The following PDK1 variants were observed in gnomAD, a reference collection of about 807,000 sequenced individuals.
PDK1 encodes the protein [Pyruvate dehydrogenase (acetyl-transferring)] kinase isozyme 1, mitochondrial.
In PDK1, 39 loss-of-function variants were observed where a neutral mutation model predicts 54.2. The ratio of observed to expected loss-of-function variants is 0.72; its 90% confidence interval spans 0.56 to 0.94. The LOEUF (loss-of-function observed/expected upper bound fraction) is 0.94. PDK1 is among the 40% of genes least tolerant of loss of function. The pLI, the probability that PDK1 is intolerant of heterozygous loss-of-function variation, is 0.00. For synonymous variants in PDK1, 221 were observed against 207.1 expected (o/e 1.07, Z -0.58); for missense variants, 552 against 566.0 (o/e 0.98, Z 0.25).
rs568173414 is a variant in PDK1, at chr2:172,559,277, T to C, written c.338+428T>C. Among the ~76,000 whole-genome samples the C allele has an allele frequency of 3.2e-4, 49 of 152,264 alleles. 1 individual carries two copies. The highest frequency in any genetic ancestry group is 1.5e-4 in the Non-Finnish European group (10 of 68,006). ...CTTAAGGTAGTAGCAGTATTCTTTT[T>C]TTGGCTGGGGGCAGGTGGGGGCAAT... On this transcript the variant is annotated intron_variant, in intron 2 of 10. Coordinates refer to ENST00000282077, the MANE Select transcript of PDK1 (RefSeq NM_002610.5).
chr2:172,707,243 T>G, the PDK1 span, among the ~76,000 whole-genome samples: 1 of 152,204 alleles, frequency 6.6e-6, no homozygotes, highest in Admixed American at 6.5e-5. Context: ...AGTCCTGATC[T>G]GTACTTGGTC....
At position 172,599,550 on chromosome 2, in the gene PDK1, G is replaced by C. The variant is rs547567592; in HGVS notation, c.*3581G>C. On this transcript the variant is annotated 3_prime_UTR_variant, in exon 11 of 11. Transcript: ENST00000282077. ...TTTTAATCATGTCTTATTAATTTCT[G>C]GTCCCAATAATTAATTTTCTTACAG... 2.5e-4 allele frequency: 38 copies of C among 151,974 alleles called. No individual in the cohort carries two copies. The highest frequency in any genetic ancestry group is 4.7e-4 in the Non-Finnish European group (32 of 67,986). 9.4% of individuals were successfully genotyped at this position (151,974 alleles called of 1,614,324 possible). A position where few individuals can be genotyped will look rare whatever the true frequency, so the allele number is the denominator to read the frequency against.
intron 9 of PDK1, 97 bp from the exon 10 acceptor site, chr2:172,592,838 C>T: frequency 1.6e-6 from 1 of 621,380 alleles, no homozygotes. Context: ...GATGCGGGCT[C>T]TGATAGCCCC....
At chr2:172,654,095 C>T in the PDK1 span, among the ~76,000 whole-genome samples, 1 of 152,128 alleles carries the variant, frequency 6.6e-6, no homozygotes, top group Non-Finnish European at 1.5e-5. Flanking sequence ...GTTAGAATGG[C>T]AATCATTAAA....
At chr2:172,568,404 T>C (rs964307305) in intron 6 of PDK1, among the ~76,000 whole-genome samples, 11 of 151,942 alleles carry the variant, frequency 7.2e-5, no homozygotes, top group South Asian at 6.2e-4. Flanking sequence ...TTTAAAGATT[T>C]TAACACTTCT....
the PDK1 span, among the ~76,000 whole-genome samples, chr2:172,696,279 G>T: frequency 6.6e-6 from 1 of 151,804 alleles, no homozygotes; most frequent in African/African-American, 2.4e-5. Context: ...TGACTTGTGA[G>T]ACCCTAAGCA....
intron 8 of PDK1, among the ~76,000 whole-genome samples, chr2:172,572,508 T>A (rs1034161373): frequency 2.0e-5 from 3 of 152,152 alleles, no homozygotes; most frequent in Admixed American, 6.5e-5. Flanking sequence ...GCAGATTGCC[T>A]GAGGTAAGGC....
chr2:172,688,779 C>T, the PDK1 span, among the ~76,000 whole-genome samples: 1 of 74,886 alleles, frequency 1.3e-5, no homozygotes, highest in Non-Finnish European at 2.7e-5. Context: ...CCAGAGTAAG[C>T]TTGACCTCAG....
intron 7 of PDK1, among the ~76,000 whole-genome samples, chr2:172,570,327 A>T (rs182500993): frequency 2.2e-4 from 33 of 152,344 alleles, no homozygotes; most frequent in Non-Finnish European, 3.8e-4. Flanking sequence ...TATATGAAAA[A>T]AATTGCTTTC....
At position 172,608,183 on chromosome 2, in the gene PDK1, A is replaced by G. The variant is rs188774912; in HGVS notation, c.*12214A>G. The G allele has an allele frequency of 2.0e-4, 30 of 150,480 alleles. No individual in the cohort carries two copies. The highest frequency in any genetic ancestry group is 7.4e-4 in the African/African-American group (30 of 40,306). The allele number at this position is 150,480 out of a possible 1,614,324, so 9.3% of individuals were successfully genotyped here. A position where few individuals can be genotyped will look rare whatever the true frequency, so the allele number is the denominator to read the frequency against. ...TATAGAGTGAGATAGGAGAAAAGAA[A>G]TGGGATGATAATGATATTGCTGTAC... On this transcript the variant is annotated 3_prime_UTR_variant, in exon 11 of 11. Coordinates refer to ENST00000282077, the MANE Select transcript of PDK1 (RefSeq NM_002610.5).
chr2:172,587,627 C>G (rs1173964655), intron 9 of PDK1, among the ~76,000 whole-genome samples: 1 of 152,162 alleles, frequency 6.6e-6, no homozygotes, highest in Non-Finnish European at 1.5e-5. Context: ...GCTTCTACAG[C>G]CTGGAAGGGT....
chr2:172,722,955 A>G, the PDK1 span, among the ~76,000 whole-genome samples: 2 of 151,942 alleles, frequency 1.3e-5, no homozygotes, highest in East Asian at 1.9e-4. Context: ...TCAGGACTCA[A>G]AATTTCTAGT....
chr2:172,611,580 G>C (rs1419594732), downstream of PDK1, among the ~76,000 whole-genome samples: 1 of 152,118 alleles, frequency 6.6e-6, no homozygotes, highest in African/African-American at 2.4e-5. Context: ...TTACCGTGAT[G>C]CCAAAACCAA....
At chr2:172,587,675 CTT>C (rs1199558224) in intron 9 of PDK1, among the ~76,000 whole-genome samples, 1 of 152,100 alleles carries the variant, frequency 6.6e-6, no homozygotes, top group African/African-American at 2.4e-5. Context: ...TGGGGGCCTG[CTT>C]TTATTCACTT....
intron 5 of PDK1, among the ~76,000 whole-genome samples, 189 bp downstream of exon 5, chr2:172,565,262 G>A (rs1688872681): frequency 6.6e-6 from 1 of 152,104 alleles, no homozygotes; most frequent in African/African-American, 2.4e-5. Flanking sequence ...AGAATTATTT[G>A]TTAGGCAAAG....
rs1185884341 is a variant in PDK1 at position 172,596,974 on chromosome 2, C to T, written c.*1005C>T. On this transcript the variant is annotated 3_prime_UTR_variant, in exon 11 of 11. Coordinates refer to ENST00000282077, the MANE Select transcript of PDK1 (RefSeq NM_002610.5). ...GTTTTGGTTTCCACCTATTTAAAGT[C>T]AGATTTATAGACTCGAGGAGACAGA... The T allele has an allele frequency of 3.3e-5, 5 of 152,104 alleles. No individual in the cohort carries two copies. The highest frequency in any genetic ancestry group is 6.6e-5 in the Admixed American group (1 of 15,260). 9.4% of individuals were successfully genotyped at this position (152,104 alleles called of 1,614,324 possible).
upstream of PDK1, chr2:172,555,910 G>A: frequency 2.8e-6 from 1 of 362,896 alleles, no homozygotes; most frequent in Non-Finnish European, 4.9e-6. Context: ...TCGGGAGGCT[G>A]GGCGGGACTC....
the PDK1 span, among the ~76,000 whole-genome samples, chr2:172,675,841 G>T: frequency 6.6e-6 from 1 of 152,162 alleles, no homozygotes; most frequent in Admixed American, 6.5e-5. Context: ...CAGAATTAGA[G>T]AGAAGAAGCC....
At chr2:172,584,974 T>C (rs1291358095) in intron 8 of PDK1, among the ~76,000 whole-genome samples, 3 of 151,722 alleles carry the variant, frequency 2.0e-5, no homozygotes, top group Admixed American at 2.0e-4. Context: ...CCACCCAATA[T>C]ATGCTTTTCT....
Sources: gnomAD v4.1 joint callset for allele counts (sites outside exome capture counted in the v4.1 genomes callset) on GRCh38, gnomAD v4.1.1 for gene constraint, MANE v1.5 for transcripts, NCBI Gene and HGNC (gene_info 2026-07-23, HGNC 2026-07-21) for gene names.